Variants in KCNQ1 observed in about 807,000 individuals in gnomAD.
KCNQ1 encodes potassium voltage-gated channel subfamily Q member 1, also known as potassium voltage-gated channel subfamily KQT member 1.
Under a neutral mutation model 72.4 loss-of-function variants are expected in KCNQ1, and 49 were observed. That is an observed-to-expected ratio of 0.68 (90% confidence interval 0.54 to 0.86). The LOEUF is 0.86. Among genes scored for constraint, KCNQ1 ranks in the 40% least tolerant of loss-of-function variants. The pLI is 0.00. For synonymous variants in KCNQ1, 450 were observed against 412.6 expected (o/e 1.09, Z -1.10); for missense variants, 790 against 945.1 (o/e 0.84, Z 2.15).
chr11:2,675,159 T>C (rs926495645), intron 11 of KCNQ1: 4 of 398,534 alleles, frequency 1.0e-5, no homozygotes, highest in African/African-American at 2.1e-5. Context: ...TTAGAGGTAG[T>C]GCTCTAGCGG....
rs944567847 is a variant in KCNQ1 at position 2,623,562 on chromosome 11, G to A, written c.1393+34708G>A. ...ATTGCCTTATTTCACATAGTAATAT[G>A]TTTTTTAATTACCTCCATATCTTTT... is the stretch of plus-strand genomic sequence containing the variant. On this transcript the variant is annotated intron_variant, in intron 10 of 15. Coordinates refer to ENST00000155840, the MANE Select transcript of KCNQ1 (RefSeq NM_000218.3). This position sits in a 1 kb window ranked among gnomAD's most constrained non-coding sequence, Gnocchi z 5.2. The A allele has an allele frequency of 1.5e-5, 6 of 398,360 alleles. No homozygotes were observed. In the Admixed American group the frequency reaches 2.2e-4, roughly 15 times the overall value. The allele number at this position is 398,360 out of a possible 1,614,324, so 24.7% of individuals were successfully genotyped here.
intron 2 of KCNQ1, among the ~76,000 whole-genome samples, chr11:2,560,462 G>A (rs1408328415): frequency 9.8e-6 from 1 of 102,176 alleles, no homozygotes; most frequent in Non-Finnish European, 2.0e-5. Flanking sequence ...CTGGGGGGAC[G>A]GGGGGTGACG....
At chr11:2,791,914 C>T (rs1025650551) in intron 15 of KCNQ1, among the ~76,000 whole-genome samples, 6 of 152,238 alleles carry the variant, frequency 3.9e-5, no homozygotes, top group African/African-American at 9.6e-5. Context: ...CGTCCCTGCA[C>T]GGAGCCGGTG....
In KCNQ1 at chr11:2,768,360, G is replaced by A. The variant is rs1356647070; in HGVS notation, c.1515-484G>A. On this transcript the variant is annotated intron_variant, in intron 11 of 15. Coordinates refer to ENST00000155840, the MANE Select transcript of KCNQ1 (RefSeq NM_000218.3). The surrounding 1 kb of genome is among the most constrained non-coding windows in gnomAD (Gnocchi z 6.7). ...GTGGCTCTGGTGGCAACTTTCCCTT[G>A]TTAATTTGTCCTGTAGCCCCTACTT... 6.6e-6 allele frequency among the ~76,000 whole-genome samples: 1 copy of A among 152,184 alleles called. No homozygotes were observed. The highest frequency in any genetic ancestry group is 2.4e-5 in the African/African-American group (1 of 41,434).
At chr11:2,531,570 C>T (rs1847633502) in intron 2 of KCNQ1, among the ~76,000 whole-genome samples, 1 of 152,178 alleles carries the variant, frequency 6.6e-6, no homozygotes, top group African/African-American at 2.4e-5. Flanking sequence ...CACCTGGTGG[C>T]TATTTGCTGA....
chr11:2,759,797 G>A lies in KCNQ1; in HGVS notation c.1515-9047G>A, dbSNP rs1316861618. ...GTCCTGGGAGGGGCTGAAGGCTCAG[G>A]GACACAGGTGAGGCCAGCCCCTCCT... is the stretch of plus-strand genomic sequence containing the variant. On this transcript the variant is annotated intron_variant, in intron 11 of 15. Coordinates refer to ENST00000155840, the MANE Select transcript of KCNQ1 (RefSeq NM_000218.3). The surrounding 1 kb of genome is among the most constrained non-coding windows in gnomAD (Gnocchi z 4.4). Among the ~76,000 whole-genome samples the A allele has an allele frequency of 6.6e-6, 1 of 152,104 alleles. No homozygotes were observed. Among genetic ancestry groups the A allele is most frequent in the African/African-American group, 2.4e-5 (1 of 41,420 alleles).
Position 2,817,700 on chromosome 11 carries a change from C to G in KCNQ1, c.1795-30067C>G, listed in dbSNP as rs938117432. Among the ~76,000 whole-genome samples, 2 of 152,124 alleles carry G rather than the reference C, an allele frequency of 1.3e-5. No individual in the cohort carries two copies. Among genetic ancestry groups the G allele is most frequent in the African/African-American group, 4.8e-5 (2 of 41,410 alleles). On this transcript the variant is annotated intron_variant, in intron 15 of 15. Coordinates refer to ENST00000155840, the MANE Select transcript of KCNQ1 (RefSeq NM_000218.3). This position sits in a 1 kb window ranked among gnomAD's most constrained non-coding sequence, Gnocchi z 6.1. ...GTTAGCACAGACCTGAGCCGAGGCC[C>G]CCTTCTCACAGGGGCCTACCCACTT...
chr11:2,479,923 C>T lies in KCNQ1; in HGVS notation c.386+34439C>T, dbSNP rs1247665940. On this transcript the variant is annotated intron_variant, in intron 1 of 15. Coordinates refer to ENST00000155840, the MANE Select transcript of KCNQ1 (RefSeq NM_000218.3). The surrounding 1 kb of genome is among the most constrained non-coding windows in gnomAD (Gnocchi z 4.6). ...TTAGAAATTTCTTCCACCAAATACC[C>T]TAAATCATCTCCCTCAAGTTCAAAG... 6.6e-6 allele frequency among the ~76,000 whole-genome samples: 1 copy of T among 152,190 alleles called. No individual in the cohort carries two copies. The highest frequency in any genetic ancestry group is 6.5e-5 in the Admixed American group (1 of 15,284).
At chr11:2,571,269 C>T (rs1589957072) in intron 3 of KCNQ1, 56 bp from the exon 4 acceptor site, 1 of 1,427,608 alleles carries the variant, frequency 7.0e-7, no homozygotes, top group South Asian at 1.1e-5. Flanking sequence ...TATGCTCTTC[C>T]CTGGGGCCCT....
chr11:2,760,830 A>T (rs1166967506), intron 11 of KCNQ1, among the ~76,000 whole-genome samples: 1 of 152,114 alleles, frequency 6.6e-6, no homozygotes, highest in Non-Finnish European at 1.5e-5. Context: ...TCAGTGCCCC[A>T]CTACTCAAAG....
intron 2 of KCNQ1, among the ~76,000 whole-genome samples, chr11:2,545,916 A>G (rs1846877372): frequency 2.0e-5 from 3 of 152,276 alleles, no homozygotes; most frequent in Admixed American, 1.3e-4. Flanking sequence ...TTGTTAGTGT[A>G]ATCAGTCAGC....
At chr11:2,480,833 A>G (rs1296265019) in intron 1 of KCNQ1, among the ~76,000 whole-genome samples, 3 of 152,156 alleles carry the variant, frequency 2.0e-5, no homozygotes, top group African/African-American at 7.2e-5. Context: ...TAAGAAATCC[A>G]TGAGGAGGCG....
intron 1 of KCNQ1, among the ~76,000 whole-genome samples, chr11:2,452,095 G>A (rs554018946): frequency 3.3e-5 from 5 of 152,338 alleles, no homozygotes; most frequent in South Asian, 2.1e-4. Flanking sequence ...CTCACCCAGA[G>A]AGTGCAGGTT....
intron 12 of KCNQ1, chr11:2,771,360 C>G (rs531822890): frequency 6.6e-6 from 1 of 152,362 alleles, no homozygotes; most frequent in Admixed American, 6.5e-5. Flanking sequence ...ACTACCATGG[C>G]TTCCAGTCTT....
At position 2,512,140 on chromosome 11, in the gene KCNQ1, G is replaced by A. The variant is rs549251295; in HGVS notation, c.387-15788G>A. Among the ~76,000 whole-genome samples, 158 of 152,322 alleles carry A rather than the reference G, an allele frequency of 1.0e-3. 1 individual carries two copies. Among genetic ancestry groups the A allele is most frequent in the African/African-American group, 3.7e-3 (155 of 41,574 alleles). On this transcript the variant is annotated intron_variant, in intron 1 of 15. Transcript: ENST00000155840. Reference sequence around the variant, plus strand: ...GCTTCCCATGGGCCATACACACTCAGTCGAACAAGATTTGCACAAAACCTG... The same window carrying A: ...GCTTCCCATGGGCCATACACACTCAATCGAACAAGATTTGCACAAAACCTG...
In KCNQ1 at chr11:2,579,394, G is replaced by A. The variant is rs1169575677; in HGVS notation, c.922-4041G>A. On this transcript the variant is annotated intron_variant, in intron 6 of 15. Transcript: ENST00000155840. This position sits in a 1 kb window ranked among gnomAD's most constrained non-coding sequence, Gnocchi z 6.0. Reference sequence around the variant, plus strand: ...CGCCCCCACAGTTCCTGCCATGGGCGTGACTTTGTGTGCCTCATATGGCTG... The same window carrying A: ...CGCCCCCACAGTTCCTGCCATGGGCATGACTTTGTGTGCCTCATATGGCTG... Among the ~76,000 whole-genome samples, 2 of 152,216 alleles carry A rather than the reference G, an allele frequency of 1.3e-5. No individual in the cohort carries two copies. The highest frequency in any genetic ancestry group is 2.9e-5 in the Non-Finnish European group (2 of 68,042).
rs530686658 is a variant in KCNQ1, at chr11:2,821,072, G to A, written c.1795-26695G>A. 3.3e-5 allele frequency among the ~76,000 whole-genome samples: 5 copies of A among 152,222 alleles called. No homozygotes were observed. In the East Asian group the frequency reaches 7.7e-4, roughly 23 times the overall value. ...CCCTCTAAGGACATCAGCACTCTTC[G>A]GAGGCCAGGTCCGGCCTGCTCTGCT... On this transcript the variant is annotated intron_variant, in intron 15 of 15. Coordinates refer to ENST00000155840, the MANE Select transcript of KCNQ1 (RefSeq NM_000218.3).
intron 11 of KCNQ1, chr11:2,665,594 C>A: frequency 2.5e-6 from 1 of 396,798 alleles, no homozygotes; most frequent in East Asian, 3.6e-5. Flanking sequence ...GCTCAGTAAA[C>A]CCCCCAGGAC....
At chr11:2,590,544 G>T (rs1043404227) in intron 10 of KCNQ1, among the ~76,000 whole-genome samples, 1 of 152,238 alleles carries the variant, frequency 6.6e-6, no homozygotes, top group South Asian at 2.1e-4. Context: ...CTTCCAGGTG[G>T]TGGGGGGAGC....
Sources: gnomAD v4.1 joint callset for allele counts (sites outside exome capture counted in the v4.1 genomes callset) on GRCh38, gnomAD v4.1.1 for gene constraint, Gnocchi (gnomAD v3.1) non-coding constraint, MANE v1.5 for transcripts, NCBI Gene and HGNC (gene_info 2026-07-23, HGNC 2026-07-21) for gene names.